CACNA1E: variants seen among roughly 807,000 people sequenced by gnomAD.
CACNA1E encodes calcium voltage-gated channel subunit alpha1 E.
CACNA1E carries 40 observed loss-of-function variants against 259.2 expected under a neutral mutation model. The observed-to-expected ratio is 0.15, with a 90% CI of 0.12 to 0.20. The LOEUF is 0.20. Among genes scored for constraint, CACNA1E ranks in the 10% least tolerant of loss-of-function variants. CACNA1E has a pLI of 1.00. For synonymous variants in CACNA1E, 1,104 were observed against 1,138.5 expected (o/e 0.97, Z 0.61); for missense variants, 1,874 against 3,040.1 (o/e 0.62, Z 9.02).
chr1:181,566,476 G>C (rs1302058190), intron 3 of CACNA1E, among the ~76,000 whole-genome samples: 1 of 152,162 alleles, frequency 6.6e-6, no homozygotes, highest in African/African-American at 2.4e-5. Flanking sequence ...AATAATCAGG[G>C]ACTTTCTCAG....
At position 181,580,836 on chromosome 1, in the gene CACNA1E, G is replaced by C. The variant is rs1651443634; in HGVS notation, c.951+60G>C. 3.0e-5 allele frequency: 46 copies of C among 1,527,636 alleles called. 1 individual carries two copies. The South Asian group carries it at 5.1e-4, about 17-fold the overall frequency. The allele number at this position is 1,527,636 out of a possible 1,614,324, so 94.6% of individuals were successfully genotyped here. A position where few individuals can be genotyped will look rare whatever the true frequency, so the allele number is the denominator to read the frequency against. ...GGAAGAACCCTGGATGGAGGCTTCTGTGGTTGTTTGGCCTGGCTAGTCCGG... is the reference window on the plus strand; with the variant it reads ...GGAAGAACCCTGGATGGAGGCTTCTCTGGTTGTTTGGCCTGGCTAGTCCGG... On this transcript the variant is annotated intron_variant, in intron 6 of 47. Transcript: ENST00000367573.
chr1:181,616,068 T>C (rs1480054636), intron 6 of CACNA1E, among the ~76,000 whole-genome samples: 1 of 152,220 alleles, frequency 6.6e-6, no homozygotes, highest in East Asian at 1.9e-4. Context: ...TGACATCACC[T>C]TTGTTGTGAT....
chr1:181,355,597 A>G (rs919356935), intron 1 of CACNA1E, among the ~76,000 whole-genome samples: 10 of 128,208 alleles, frequency 7.8e-5, no homozygotes, highest in Non-Finnish European at 1.4e-4. Context: ...CAAACAAAAC[A>G]AAACAAAACA....
chr1:181,798,414 C>T lies in CACNA1E; in HGVS notation c.6522C>T (p.Ser2174=). The T allele has an allele frequency of 6.2e-7, 1 of 1,613,738 alleles. No individual in the cohort carries two copies. Among genetic ancestry groups the T allele is most frequent in the Non-Finnish European group, 8.5e-7 (1 of 1,179,886 alleles). ...PKPRPLLSYS[S]LIRHAGSISP... ...CCCGGCCCCTCCTTTCCTACAGCTC[C>T]CTGATTCGACACGCGGGCAGCATCT... Residue 2174 remains serine (S), a synonymous_variant, in exon 48 of 48, where the codon TCC becomes TCT. Coordinates refer to ENST00000367573, the MANE Select transcript of CACNA1E (RefSeq NM_001205293.3). This position sits in a 1 kb window ranked among gnomAD's most constrained non-coding sequence, Gnocchi z 4.2.
chr1:181,623,107 A>G (rs1422979235), intron 6 of CACNA1E, among the ~76,000 whole-genome samples: 1 of 152,232 alleles, frequency 6.6e-6, no homozygotes, highest in Non-Finnish European at 1.5e-5. Context: ...TGGTCATTCA[A>G]CAAACATTCC....
intron 1 of CACNA1E, among the ~76,000 whole-genome samples, chr1:181,401,832 C>A (rs1223038800): frequency 6.6e-6 from 1 of 152,180 alleles, no homozygotes; most frequent in African/African-American, 2.4e-5. Flanking sequence ...CTAGCAGAGG[C>A]CCCTCTTCTT....
At chr1:181,431,612 T>C (rs189388626) in intron 2 of CACNA1E, among the ~76,000 whole-genome samples, 85 of 152,306 alleles carry the variant, frequency 5.6e-4, no homozygotes, top group Non-Finnish European at 9.8e-4. Flanking sequence ...ACTTTTTCCC[T>C]CTGCTCCAAG....
chr1:181,463,873 A>G lies in CACNA1E; in HGVS notation c.435-19871A>G, dbSNP rs946890438. 2.0e-5 allele frequency among the ~76,000 whole-genome samples: 3 copies of G among 152,048 alleles called. No homozygotes were observed. In the East Asian group the frequency reaches 5.8e-4, roughly 29 times the overall value. On this transcript the variant is annotated intron_variant, in intron 2 of 11. Coordinates refer to the CACNA1E transcript ENST00000524607. ...CTTCTCTCATTAAAAAATTCCTTCC[A>G]CATACTGAGATAAAAAAGAAGTCAT...
intron 43 of CACNA1E, among the ~76,000 whole-genome samples, chr1:181,789,514 G>C (rs1661114643): frequency 6.6e-6 from 1 of 152,130 alleles, no homozygotes; most frequent in Non-Finnish European, 1.5e-5. Flanking sequence ...CCGCCACCAA[G>C]AGAGCTGCTG....
chr1:181,497,508 G>T (rs1664863711), intron 1 of CACNA1E, among the ~76,000 whole-genome samples: 1 of 152,174 alleles, frequency 6.6e-6, no homozygotes, highest in Non-Finnish European at 1.5e-5. Context: ...CCCTGAGAAT[G>T]GATGGAGGAA....
At chr1:181,461,857 C>T (rs16857361) in intron 2 of CACNA1E, among the ~76,000 whole-genome samples, 4,108 of 151,938 alleles carry the variant, frequency 0.027, 204 homozygotes, top group African/African-American at 0.092. Flanking sequence ...GAAAATTATC[C>T]GTAATGCCAT....
At chr1:181,789,587 G>A (rs1043195533) in intron 43 of CACNA1E, among the ~76,000 whole-genome samples, 1 of 152,088 alleles carries the variant, frequency 6.6e-6, no homozygotes, top group African/African-American at 2.4e-5. Flanking sequence ...TTCTTGAGCA[G>A]GTCAGATGGT....
intron 25 of CACNA1E, among the ~76,000 whole-genome samples, chr1:181,740,399 G>A (rs752872830): frequency 6.6e-6 from 1 of 152,182 alleles, no homozygotes; most frequent in Non-Finnish European, 1.5e-5. Context: ...ACACAGGGAA[G>A]CTGACAGTGC....
chr1:181,768,758 A>G (rs1282501346), intron 35 of CACNA1E, among the ~76,000 whole-genome samples: 1 of 152,198 alleles, frequency 6.6e-6, no homozygotes, highest in Non-Finnish European at 1.5e-5. Context: ...TGAGCTGGCC[A>G]TCCCCATCCT....
At chr1:181,634,294 TG>T (rs1657008376) in intron 6 of CACNA1E, among the ~76,000 whole-genome samples, 1 of 152,190 alleles carries the variant, frequency 6.6e-6, no homozygotes, top group East Asian at 1.9e-4. Flanking sequence ...CTCCCCTCCC[TG>T]GCAAAAGGGT....
intron 3 of CACNA1E, among the ~76,000 whole-genome samples, chr1:181,546,000 G>T (rs1319408471): frequency 6.6e-6 from 1 of 152,110 alleles, no homozygotes; most frequent in Non-Finnish European, 1.5e-5. Flanking sequence ...CCTGAGATGT[G>T]GGGAGAGGGT....
intron 2 of CACNA1E, among the ~76,000 whole-genome samples, chr1:181,449,501 G>A (rs1183893362): frequency 6.6e-6 from 1 of 152,150 alleles, no homozygotes; most frequent in East Asian, 1.9e-4. Flanking sequence ...TGACATATCA[G>A]GATTGCAAAT....
chr1:181,587,934 C>T (rs1216600073), intron 6 of CACNA1E, among the ~76,000 whole-genome samples: 1 of 152,214 alleles, frequency 6.6e-6, no homozygotes, highest in African/African-American at 2.4e-5. Context: ...ATCTGCTGGA[C>T]AAATTCAGTC....
intron 1 of CACNA1E, among the ~76,000 whole-genome samples, chr1:181,352,266 C>T (rs558824185): frequency 6.6e-6 from 1 of 152,030 alleles, no homozygotes; most frequent in Non-Finnish European, 1.5e-5. Context: ...GCCTTTTGAC[C>T]AGGAGTAAAA....
Sources: allele counts gnomAD v4.1 joint callset (sites outside exome capture counted in the v4.1 genomes callset), GRCh38; gene constraint gnomAD v4.1.1; non-coding constraint Gnocchi (gnomAD v3.1); transcripts MANE v1.5; gene names NCBI Gene and HGNC (gene_info 2026-07-23, HGNC 2026-07-21).